The following RUNX3 variants were observed in gnomAD, a reference collection of about 807,000 sequenced individuals.
RUNX3 encodes runt-related transcription factor 3.
In RUNX3, 10 loss-of-function variants were observed where a neutral mutation model predicts 27.7. The observed-to-expected ratio is 0.36, with a 90% CI of 0.22 to 0.61. The LOEUF (loss-of-function observed/expected upper bound fraction) is 0.61. Among genes scored for constraint, RUNX3 ranks in the 20% least tolerant of loss-of-function variants. RUNX3 has a pLI of 0.72. For synonymous variants in RUNX3, 270 were observed against 269.2 expected (o/e 1.00, Z -0.03); for missense variants, 469 against 629.5 (o/e 0.75, Z 2.73).
chr1:24,964,631 T>C (rs1261968351), exon 2 of RUNX3: 2 of 1,569,444 alleles, frequency 1.3e-6, no homozygotes, highest in Admixed American at 3.7e-5. Context: ...TGGGATTCAC[T>C]TGGTTGGCTG....
chr1:24,937,120 G>T (rs1026822815), intron 2 of RUNX3, among the ~76,000 whole-genome samples: 5 of 152,310 alleles, frequency 3.3e-5, no homozygotes, highest in African/African-American at 1.2e-4. Flanking sequence ...CCTGGGGAGA[G>T]GGAGTGACCC....
Position 24,916,370 on chromosome 1 carries a change from C to A in RUNX3, c.544+2870G>T, listed in dbSNP as rs1640889154. ...GCACACTGAGGTGAAAAGGCCCTTC[C>A]AAGTGGCCCTCACTTCCCGCAGCCC... On this transcript the variant is annotated intron_variant, in intron 3 of 4. Transcript: ENST00000308873. This position sits in a 1 kb window ranked among gnomAD's most constrained non-coding sequence, Gnocchi z 4.8. Among the ~76,000 whole-genome samples, 1 of 152,086 alleles carries A rather than the reference C, an allele frequency of 6.6e-6. No homozygotes were observed. Among genetic ancestry groups the A allele is most frequent in the African/African-American group, 2.4e-5 (1 of 41,334 alleles).
At chr1:24,914,431 CT>C in intron 3 of RUNX3, among the ~76,000 whole-genome samples, 1 of 152,348 alleles carries the variant, frequency 6.6e-6, no homozygotes, top group East Asian at 1.9e-4. Context: ...TCTTAACAGC[CT>C]CGCGGAATCG....
intron 2 of RUNX3, among the ~76,000 whole-genome samples, chr1:24,964,158 CAG>C (rs1440098230): frequency 1.3e-5 from 2 of 152,234 alleles, no homozygotes; most frequent in African/African-American, 4.8e-5. Flanking sequence ...CCAGGCAGGA[CAG>C]GGGCTGGGGC....
chr1:24,915,346 C>T (rs1571311092), intron 3 of RUNX3, among the ~76,000 whole-genome samples: 2 of 152,170 alleles, frequency 1.3e-5, no homozygotes, highest in Admixed American at 6.5e-5. Context: ...ATCTCCTGAA[C>T]CTGGGAGGCG....
At chr1:24,929,041 A>T (rs559282172) in intron 1 of RUNX3, 1 of 457,148 alleles carries the variant, frequency 2.2e-6, no homozygotes, top group Non-Finnish European at 4.4e-6. Flanking sequence ...TCAACTCGCC[A>T]TTCGGGACGC....
intron 2 of RUNX3, among the ~76,000 whole-genome samples, chr1:24,939,537 G>T (rs539750941): frequency 6.6e-6 from 1 of 152,264 alleles, no homozygotes; most frequent in Non-Finnish European, 1.5e-5. Context: ...GCAGACCATT[G>T]TGTGGACAAA....
chr1:24,908,977 G>A (rs1251326731), intron 3 of RUNX3, among the ~76,000 whole-genome samples: 1 of 152,220 alleles, frequency 6.6e-6, no homozygotes, highest in Non-Finnish European at 1.5e-5. Context: ...AGCCATCTCT[G>A]CCTGGAAGCT....
intron 2 of RUNX3, among the ~76,000 whole-genome samples, chr1:24,935,333 T>G (rs539439552): frequency 3.3e-5 from 5 of 152,224 alleles, no homozygotes; most frequent in Non-Finnish European, 7.4e-5. Flanking sequence ...GCCATGCGGG[T>G]TCCATAGGAC....
chr1:24,903,918 G>A (rs1324959510), intron 4 of RUNX3, among the ~76,000 whole-genome samples: 1 of 152,242 alleles, frequency 6.6e-6, no homozygotes, highest in East Asian at 1.9e-4. Flanking sequence ...TCAGGATTCA[G>A]TTAATTCACA....
chr1:24,902,719 G>T lies in RUNX3; in HGVS notation c.704-53C>A. The T allele has an allele frequency of 7.0e-7, 1 of 1,431,568 alleles. No homozygotes were observed. Among genetic ancestry groups the T allele is most frequent in the South Asian group, 1.6e-5 (1 of 64,446 alleles). 88.7% of individuals were successfully genotyped at this position (1,431,568 alleles called of 1,614,324 possible). On this transcript the variant is annotated intron_variant, in intron 4 of 4. Coordinates refer to ENST00000308873, the MANE Select transcript of RUNX3 (RefSeq NM_004350.3). The surrounding 1 kb of genome is among the most constrained non-coding windows in gnomAD (Gnocchi z 9.2). ...TCCAGCTCGAGACAACCCCAGGAGG[G>T]CTTCCTGAAGAATGACCTTGGGCTC...
chr1:24,909,033 T>C (rs1003320632), intron 3 of RUNX3, among the ~76,000 whole-genome samples: 1 of 152,038 alleles, frequency 6.6e-6, no homozygotes, highest in African/African-American at 2.4e-5. Flanking sequence ...CTGCCAGCAT[T>C]TTCCACTCCC....
chr1:24,955,870 CCAGAACAGTGCTTG>C (rs1311789757), intron 2 of RUNX3, among the ~76,000 whole-genome samples: 1 of 152,194 alleles, frequency 6.6e-6, no homozygotes, highest in Non-Finnish European at 1.5e-5. Flanking sequence ...TCTCCAGTGC[CCAGAACAGTGCTTG>C]CATGCAGTAG....
chr1:24,915,566 G>A (rs1225779383), intron 3 of RUNX3, among the ~76,000 whole-genome samples: 1 of 152,222 alleles, frequency 6.6e-6, no homozygotes, highest in Non-Finnish European at 1.5e-5. Flanking sequence ...GGTGAGGAAG[G>A]CTGTGTGTGT....
chr1:24,949,251 A>G (rs763774433), intron 2 of RUNX3, among the ~76,000 whole-genome samples: 178 of 152,204 alleles, frequency 1.2e-3, no homozygotes, highest in Non-Finnish European at 2.0e-3. Flanking sequence ...GAAACAGCAA[A>G]AAGGAGGTTA....
chr1:24,948,696 G>A (rs1448739871), intron 2 of RUNX3, among the ~76,000 whole-genome samples: 1 of 150,198 alleles, frequency 6.7e-6, no homozygotes, highest in Admixed American at 6.6e-5. Context: ...AGGTGCATGG[G>A]AGAGAAGGGT....
At position 24,940,266 on chromosome 1, in the gene RUNX3, G is replaced by A. The variant is rs150081254; in HGVS notation, c.59-10414C>T. Among the ~76,000 whole-genome samples the A allele has an allele frequency of 3.2e-3, 493 of 152,284 alleles. 5 individuals carry two copies. Among genetic ancestry groups the A allele is most frequent in the African/African-American group, 0.011 (464 of 41,534 alleles). ...AGTTCGAGTGTTAGATGGGGCAGGGGCCGGACCAGATACTAGTGTCTCAAA... is the reference window on the plus strand; with the variant it reads ...AGTTCGAGTGTTAGATGGGGCAGGGACCGGACCAGATACTAGTGTCTCAAA... On this transcript the variant is annotated intron_variant, in intron 2 of 6. Transcript: ENST00000338888.
intron 1 of RUNX3, chr1:24,928,660 T>G: frequency 5.3e-6 from 1 of 189,582 alleles, no homozygotes; most frequent in South Asian, 7.9e-5. Context: ...AAACCTCCGA[T>G]CTGACGATTA....
At chr1:24,931,899 C>A (rs138495390), upstream of RUNX3, among the ~76,000 whole-genome samples, 828 of 152,334 alleles carry the variant, frequency 5.4e-3, 15 homozygotes, top group African/African-American at 0.019. Flanking sequence ...TTGTCGATTG[C>A]GGACCCAGGC....
Sources: gnomAD v4.1 joint callset for allele counts (sites outside exome capture counted in the v4.1 genomes callset) on GRCh38, gnomAD v4.1.1 for gene constraint, Gnocchi (gnomAD v3.1) non-coding constraint, MANE v1.5 for transcripts, NCBI Gene and HGNC (gene_info 2026-07-23, HGNC 2026-07-21) for gene names.